Variants in MALAT1 observed in about 807,000 individuals in gnomAD.
MALAT1 encodes metastasis associated lung adenocarcinoma transcript 1.
chr11:65,505,392 C>CT (rs1565057266), intron 3 of MALAT1: 2 of 516,544 alleles, frequency 3.9e-6, no homozygotes, highest in Non-Finnish European at 7.7e-6. Flanking sequence ...CTGGGCTTCT[C>CT]TTAACATTTA....
chr11:65,505,137 G>A (rs762930680), intron 3 of MALAT1: 2 of 518,972 alleles, frequency 3.9e-6, no homozygotes, highest in Non-Finnish European at 7.7e-6. Context: ...GTGTTGGCGT[G>A]GGGGTGGAGG....
exon 2 of MALAT1, chr11:65,498,690 C>CTATA (rs768972861): frequency 1.7e-4 from 87 of 518,492 alleles, no homozygotes; most frequent in African/African-American, 1.6e-3. Flanking sequence ...AGGTGGTAAA[C>CTATA]TATACCTACT....
At chr11:65,505,531 GTCTCCCCACAAGCAACT>G (rs769947080) in intron 3 of MALAT1, 1 of 515,896 alleles carries the variant, frequency 1.9e-6, no homozygotes. Flanking sequence ...TAAAAGCAAG[GTCTCCCCACAAGCAACT>G]TCTCTGCCAC....
chr11:65,499,957 A>T (rs528626868), exon 3 of MALAT1: 1 of 430,554 alleles, frequency 2.3e-6, no homozygotes, highest in Non-Finnish European at 4.5e-6. Context: ...GAAAAATATA[A>T]AGCCAAAAAT....
rs749213796 is a variant in MALAT1, at chr11:65,500,011, A to G, written n.1274A>G. 5.4e-5 allele frequency: 23 copies of G among 426,402 alleles called. No homozygotes were observed. The East Asian group carries it at 1.5e-3, about 29-fold the overall frequency. The allele number at this position is 426,402 out of a possible 1,614,324, so 26.4% of individuals were successfully genotyped here. A position where few individuals can be genotyped will look rare whatever the true frequency, so the allele number is the denominator to read the frequency against. On this transcript the variant is annotated non_coding_transcript_exon_variant, in exon 3 of 4. Coordinates refer to ENST00000619449, the Ensembl canonical transcript of MALAT1. ...AAAAATGAGGAAATTATTGGTAACC[A>G]ATTTATTTTAAAAGCCCATCAATTT...
At chr11:65,505,184 C>T in intron 3 of MALAT1, 1 of 518,728 alleles carries the variant, frequency 1.9e-6, no homozygotes, top group Non-Finnish European at 3.8e-6. Flanking sequence ...TAAGATTTTT[C>T]AGGTACCCCT....
intron 3 of MALAT1, chr11:65,506,232 A>G (rs746522229): frequency 1.5e-5 from 7 of 458,378 alleles, no homozygotes; most frequent in Middle Eastern, 3.5e-4. Flanking sequence ...TTTTCTCTGC[A>G]GGTGCTAGTT....
chr11:65,497,886 C>T (rs750750334), intron 1 of MALAT1: 2 of 518,750 alleles, frequency 3.9e-6, no homozygotes, highest in Non-Finnish European at 3.9e-6. Flanking sequence ...TCTGACGCCT[C>T]CGGGAGCCCA....
chr11:65,504,850 G>A (rs1007125886), intron 3 of MALAT1: 1 of 518,798 alleles, frequency 1.9e-6, no homozygotes, highest in East Asian at 5.4e-5. Context: ...TATGCGAAGG[G>A]CCAGAGAAGC....
chr11:65,499,092 G>T (rs1242239016), exon 3 of MALAT1: 1 of 518,300 alleles, frequency 1.9e-6, no homozygotes, highest in East Asian at 5.4e-5. Context: ...GGGGCAGGCG[G>T]AGCTTGAGGA....
At chr11:65,499,536 A>T (rs1463822735) in exon 3 of MALAT1, 1 of 458,080 alleles carries the variant, frequency 2.2e-6, no homozygotes, top group Non-Finnish European at 4.3e-6. Context: ...CTTGAAATCC[A>T]TGACGCAGGG....
chr11:65,499,516 A>G, exon 3 of MALAT1: 1 of 462,408 alleles, frequency 2.2e-6, no homozygotes, highest in Non-Finnish European at 4.3e-6. Flanking sequence ...ACCGAAGGTG[A>G]TTAAAAGACC....
At chr11:65,505,587 A>G (rs375211855) in intron 3 of MALAT1, 3 of 518,826 alleles carry the variant, frequency 5.8e-6, no homozygotes, top group Middle Eastern at 3.2e-4. Flanking sequence ...TTGATCTAGC[A>G]CAGACCCTTC....
At position 65,498,840 on chromosome 11, in the gene MALAT1, G is replaced by C. The variant is rs369568173; in HGVS notation, n.231+106G>C. On this transcript the variant is annotated intron_variant and non_coding_transcript_variant, in intron 2 of 3. Coordinates refer to ENST00000619449, the Ensembl canonical transcript of MALAT1. ...GTTTGCAGCTCAAATCTTTCCACAC[G>C]CTAGTAATTTAAGTATTTCTGCATG... is the stretch of plus-strand genomic sequence containing the variant. 9.7e-4 allele frequency: 505 copies of C among 518,542 alleles called. 7 individuals carry two copies. Among genetic ancestry groups the C allele is most frequent in the South Asian group, 7.0e-3 (501 of 71,544 alleles). The allele number at this position is 518,542 out of a possible 1,614,324, so 32.1% of individuals were successfully genotyped here. A position where few individuals can be genotyped will look rare whatever the true frequency, so the allele number is the denominator to read the frequency against.
At chr11:65,506,159 A>T (rs768156015) in intron 3 of MALAT1, 1 of 417,234 alleles carries the variant, frequency 2.4e-6, no homozygotes, top group East Asian at 6.4e-5. Context: ...ACGGGGTTCA[A>T]ATCCCTGCGG....
chr11:65,502,202 T>C lies in MALAT1; in HGVS notation n.3465T>C, dbSNP rs1337573398. ...TATTGAACTGGGGGTTGGTCTGGCCTACTGGGCTGACATTAACTACAATTA... is the reference window on the plus strand; with the variant it reads ...TATTGAACTGGGGGTTGGTCTGGCCCACTGGGCTGACATTAACTACAATTA... On this transcript the variant is annotated non_coding_transcript_exon_variant, in exon 3 of 4. Coordinates refer to ENST00000619449, the Ensembl canonical transcript of MALAT1. 3 of 518,880 alleles carry C rather than the reference T, an allele frequency of 5.8e-6. No homozygotes were observed. The Admixed American group carries it at 5.8e-5, about 10-fold the overall frequency. The allele number at this position is 518,880 out of a possible 1,614,324, so 32.1% of individuals were successfully genotyped here.
chr11:65,504,845 G>A (rs747665268), intron 3 of MALAT1: 9 of 518,782 alleles, frequency 1.7e-5, no homozygotes, highest in Admixed American at 7.8e-5. Context: ...ACACGTATGC[G>A]AAGGGCCAGA....
At chr11:65,503,610 CTA>C (rs764384286) in exon 3 of MALAT1, 235 of 508,602 alleles carry the variant, frequency 4.6e-4, no homozygotes, top group Admixed American at 1.4e-3. Flanking sequence ...AAATAATAAA[CTA>C]TTTTTATTAG....
exon 4 of MALAT1, chr11:65,506,377 CTT>C (rs778840514): frequency 9.2e-6 from 4 of 434,232 alleles, no homozygotes. Context: ...ACTGCCTTGT[CTT>C]TTTCAGGTAA....
Sources: allele counts gnomAD v4.1 joint callset, GRCh38; gene constraint gnomAD v4.1.1; transcripts MANE v1.5; gene names NCBI Gene and HGNC (gene_info 2026-07-23, HGNC 2026-07-21).